The following TET1 variants were observed in gnomAD, a reference collection of about 807,000 sequenced individuals.
The protein encoded by TET1 is tet methylcytosine dioxygenase 1, also known as methylcytosine dioxygenase TET1.
Under a neutral mutation model 148.7 loss-of-function variants are expected in TET1, and 13 were observed. The observed-to-expected ratio is 0.09, with a 90% CI of 0.06 to 0.14. The LOEUF (loss-of-function observed/expected upper bound fraction) is 0.14. Among genes scored for constraint, TET1 ranks in the 10% least tolerant of loss-of-function variants. The pLI is 1.00. For missense variants in TET1, 2,182 were observed against 2,553.8 expected (o/e 0.85, Z 3.14); for synonymous variants, 907 against 937.2 (o/e 0.97, Z 0.59).
At chr10:68,588,475 G>A (rs2053883875) in intron 2 of TET1, among the ~76,000 whole-genome samples, 1 of 152,138 alleles carries the variant, frequency 6.6e-6, no homozygotes, top group South Asian at 2.1e-4. Context: ...GGGTTGAATG[G>A]TATGTGTTCA....
chr10:68,655,244 C>A (rs1324835343), intron 6 of TET1, among the ~76,000 whole-genome samples: 3 of 152,192 alleles, frequency 2.0e-5, no homozygotes, highest in African/African-American at 7.2e-5. Context: ...CCCAACCTGG[C>A]TTTGTGGTAA....
intron 1 of TET1, among the ~76,000 whole-genome samples, chr10:68,563,150 C>A (rs1025382289): frequency 2.0e-5 from 3 of 152,104 alleles, no homozygotes; most frequent in East Asian, 1.9e-4. Flanking sequence ...CCTTTTCCCC[C>A]CTTTTTTCCC....
chr10:68,669,868 T>A (rs1275549466), intron 7 of TET1, among the ~76,000 whole-genome samples: 1 of 152,068 alleles, frequency 6.6e-6, no homozygotes, highest in Non-Finnish European at 1.5e-5. Flanking sequence ...TTTCACTATG[T>A]TGGCCAGGCT....
intron 4 of TET1, among the ~76,000 whole-genome samples, chr10:68,647,369 C>T (rs2054866721): frequency 6.6e-6 from 1 of 152,084 alleles, no homozygotes; most frequent in Admixed American, 6.6e-5. Context: ...TTTGGGAGGC[C>T]GAGTCAGATG....
chr10:68,585,296 G>A (rs1406457298), intron 2 of TET1, among the ~76,000 whole-genome samples: 2 of 152,004 alleles, frequency 1.3e-5, no homozygotes, highest in Admixed American at 6.6e-5. Flanking sequence ...GAGGCACTGC[G>A]TCCAGTCTTG....
chr10:68,648,598 A>G (rs2054885698), intron 4 of TET1, among the ~76,000 whole-genome samples: 2 of 152,234 alleles, frequency 1.3e-5, no homozygotes, highest in Non-Finnish European at 2.9e-5. Flanking sequence ...TGATGTTTTT[A>G]TTAGAAGCAG....
At chr10:68,596,398 G>C (rs7084532) in intron 2 of TET1, among the ~76,000 whole-genome samples, 2 of 151,960 alleles carry the variant, frequency 1.3e-5, no homozygotes, top group Admixed American at 6.6e-5. Context: ...GTTCTAACCT[G>C]CTGTGCAAGC....
intron 6 of TET1, among the ~76,000 whole-genome samples, chr10:68,654,575 C>T (rs1404619386): frequency 6.6e-6 from 1 of 152,132 alleles, no homozygotes; most frequent in Non-Finnish European, 1.5e-5. Context: ...CTAGATCGTG[C>T]CTCTGCACTC....
intron 6 of TET1, among the ~76,000 whole-genome samples, chr10:68,665,783 T>A (rs1266244479): frequency 3.9e-5 from 6 of 152,104 alleles, no homozygotes; most frequent in East Asian, 3.9e-4. Context: ...ATAGAAAAAA[T>A]TTTAATATAA....
intron 6 of TET1, among the ~76,000 whole-genome samples, chr10:68,657,023 C>T (rs2055032469): frequency 9.0e-6 from 1 of 110,600 alleles, no homozygotes; most frequent in Non-Finnish European, 1.8e-5. Flanking sequence ...GAGTCTAGCT[C>T]CAAAAAAAAA....
chr10:68,639,073 AT>A (rs1363802581), intron 3 of TET1, among the ~76,000 whole-genome samples: 4 of 125,388 alleles, frequency 3.2e-5, no homozygotes, highest in Admixed American at 2.5e-4. Flanking sequence ...AATATAACTA[AT>A]AAAAAAGTTC....
At chr10:68,641,464 A>G (rs1395918458) in intron 3 of TET1, among the ~76,000 whole-genome samples, 1 of 138,168 alleles carries the variant, frequency 7.2e-6, no homozygotes, top group Non-Finnish European at 1.5e-5. Flanking sequence ...TATTCCCAGG[A>G]GGTTACCATT....
At chr10:68,682,093 CTTTTTTT>C (rs386371716) in intron 9 of TET1, among the ~76,000 whole-genome samples, 1 of 67,052 alleles carries the variant, frequency 1.5e-5, no homozygotes, top group African/African-American at 6.1e-5. Flanking sequence ...TTGATCTACT[CTTTTTTT>C]TTTTTTTTTT....
intron 2 of TET1, among the ~76,000 whole-genome samples, chr10:68,592,147 G>A (rs1379906321): frequency 6.6e-6 from 1 of 151,598 alleles, no homozygotes; most frequent in Non-Finnish European, 1.5e-5. Context: ...GTGAAACCTT[G>A]TCTCTACTAT....
Position 68,564,431 on chromosome 10 carries a change from G to C in TET1, c.-123+3689G>C, listed in dbSNP as rs544227263. On this transcript the variant is annotated intron_variant, in intron 1 of 11. Coordinates refer to ENST00000373644, the MANE Select transcript of TET1 (RefSeq NM_030625.3). The stretch of plus-strand genomic sequence containing the variant: ...CCCAAAGTGCTGGGATTATAGGTGT[G>C]AGCCACCACGCCTGGCCAAAAATTA... Among the ~76,000 whole-genome samples the C allele has an allele frequency of 1.1e-4, 17 of 152,054 alleles. No individual in the cohort carries two copies. The South Asian group carries it at 3.5e-3, about 32-fold the overall frequency.
Position 68,614,639 on chromosome 10 carries a change from C to T in TET1, c.1968+13605C>T, listed in dbSNP as rs184874537. Among the ~76,000 whole-genome samples the T allele has an allele frequency of 3.8e-3, 582 of 152,290 alleles. 1 individual carries two copies. Among genetic ancestry groups the T allele is most frequent in the African/African-American group, 0.013 (554 of 41,574 alleles). ...TCAAGCGATTCTTGTGCCTCAGCCA[C>T]CTGAGTAGCTGGGACTACAGGTGTG... On this transcript the variant is annotated intron_variant, in intron 3 of 11. Transcript: ENST00000373644.
chr10:68,595,943 TATATATATATATATATATACACAC>T lies in TET1; in HGVS notation c.1915-5036_1915-5013del, dbSNP rs1457895075. ...ACATATATATATATATATATATATA[TATATATATATATATATATACACAC>T]ACACACACACATATATACACACACA... is the stretch of plus-strand genomic sequence containing the variant. On this transcript the variant is annotated intron_variant, in intron 2 of 11. Coordinates refer to ENST00000373644, the MANE Select transcript of TET1 (RefSeq NM_030625.3). Among the ~76,000 whole-genome samples the T allele has an allele frequency of 4.9e-3, 191 of 39,044 alleles. 6 individuals are homozygous for T. The highest frequency in any genetic ancestry group is 7.4e-3 in the African/African-American group (88 of 11,834). 25.6% of individuals were successfully genotyped at this position (39,044 alleles called of 152,430 possible).
chr10:68,598,084 T>C (rs547300069), intron 2 of TET1, among the ~76,000 whole-genome samples: 11 of 152,132 alleles, frequency 7.2e-5, no homozygotes, highest in Non-Finnish European at 1.5e-4. Context: ...CACTGAACGA[T>C]ACACTTAAAT....
intron 3 of TET1, among the ~76,000 whole-genome samples, chr10:68,621,234 CTTGTTGTTG>C (rs368908630): frequency 6.6e-6 from 1 of 151,772 alleles, no homozygotes; most frequent in Non-Finnish European, 1.5e-5. Flanking sequence ...CTAGGTGTTT[CTTGTTGTTG>C]TTGTTGTTGT....
Sources: allele counts gnomAD v4.1 joint callset (sites outside exome capture counted in the v4.1 genomes callset), GRCh38; gene constraint gnomAD v4.1.1; transcripts MANE v1.5; gene names NCBI Gene and HGNC (gene_info 2026-07-23, HGNC 2026-07-21).